The following RARB variants were observed in gnomAD, a reference collection of about 807,000 sequenced individuals.
The protein encoded by RARB is retinoic acid receptor beta.
A neutral mutation model predicts 51.9 loss-of-function variants in RARB; 17 were observed. The ratio of observed to expected loss-of-function variants is 0.33; its 90% CI spans 0.22 to 0.49. RARB has a LOEUF of 0.49. Ranked by LOEUF, RARB falls within the 20% of genes least tolerant of loss-of-function variation. The pLI is 0.99. For missense variants in RARB, 369 were observed against 550.8 expected (o/e 0.67, Z 3.30); for synonymous variants, 215 against 195.4 (o/e 1.10, Z -0.84).
At position 25,428,267 on chromosome 3, in the gene RARB, CAG is replaced by C. The variant is rs1030311790; in HGVS notation, c.-463_-462del. 8.1e-6 allele frequency: 10 copies of C among 1,233,250 alleles called. No individual in the cohort carries two copies. The African/African-American group carries it at 1.6e-4, about 19-fold the overall frequency. 76.4% of individuals were successfully genotyped at this position (1,233,250 alleles called of 1,614,324 possible). ...CAATTCAATCTTTCATTCTGTGTGA[CAG>C]AAGTAGTAGGAAGTGAGCTGTTCAG... On this transcript the variant is annotated 5_prime_UTR_variant, in exon 1 of 8. Coordinates refer to ENST00000330688, the MANE Select transcript of RARB (RefSeq NM_000965.5).
intron 4 of RARB, among the ~76,000 whole-genome samples, chr3:25,578,932 G>A (rs144384880): frequency 1.3e-5 from 2 of 152,286 alleles, no homozygotes; most frequent in East Asian, 1.9e-4. Context: ...AGAACCAAAC[G>A]TCAGCCTTTT....
At chr3:25,094,227 T>A (rs935898465) in intron 3 of RARB, among the ~76,000 whole-genome samples, 1 of 152,172 alleles carries the variant, frequency 6.6e-6, no homozygotes, top group African/African-American at 2.4e-5. Flanking sequence ...TTATCCACTG[T>A]TAATAACACT....
intron 2 of RARB, among the ~76,000 whole-genome samples, chr3:24,962,996 A>G (rs12490596): frequency 0.47 from 70,723 of 151,868 alleles, 16,954 homozygotes; most frequent in East Asian, 0.6. Flanking sequence ...GCCTGCCTAC[A>G]GATTCCTATA....
intron 5 of RARB, among the ~76,000 whole-genome samples, chr3:25,272,845 T>G (rs953760744): frequency 2.6e-5 from 4 of 152,226 alleles, no homozygotes; most frequent in Admixed American, 6.5e-5. Flanking sequence ...TGTGTAACTT[T>G]GGATACATTC....
chr3:25,242,297 C>T (rs892546675), intron 5 of RARB, among the ~76,000 whole-genome samples: 9 of 152,122 alleles, frequency 5.9e-5, no homozygotes, highest in African/African-American at 2.2e-4. Context: ...CGTGCAGAAA[C>T]TCTTTAGTTT....
At chr3:24,930,954 A>C (rs1449818184) in intron 2 of RARB, among the ~76,000 whole-genome samples, 1 of 152,132 alleles carries the variant, frequency 6.6e-6, no homozygotes, top group Non-Finnish European at 1.5e-5. Context: ...TTGAGGTTGC[A>C]GTTAGCTATT....
chr3:25,032,932 A>G lies in RARB; in HGVS notation c.-379-27193A>G, dbSNP rs553763390. ...ATACATTACCTCATGCAATGAACATAGTATTTTGCAACCCATAAGCAGTAC... is the reference window on the plus strand; with the variant it reads ...ATACATTACCTCATGCAATGAACATGGTATTTTGCAACCCATAAGCAGTAC... On this transcript the variant is annotated intron_variant, in intron 2 of 11. Transcript: ENST00000383772. Among the ~76,000 whole-genome samples the G allele has an allele frequency of 1.0e-3, 159 of 152,360 alleles. No individual in the cohort carries two copies. The Middle Eastern group carries it at 0.017, about 16-fold the overall frequency.
At chr3:25,512,027 T>C (rs1230391016) in intron 3 of RARB, among the ~76,000 whole-genome samples, 1 of 152,146 alleles carries the variant, frequency 6.6e-6, no homozygotes, top group Admixed American at 6.5e-5. Context: ...CTTGGGCAGG[T>C]CACTTAACAT....
chr3:25,558,882 C>A (rs1700162472), intron 3 of RARB, among the ~76,000 whole-genome samples: 1 of 152,108 alleles, frequency 6.6e-6, no homozygotes, highest in Non-Finnish European at 1.5e-5. Flanking sequence ...CCAAGTCTAG[C>A]ATATTTTTCC....
At chr3:24,867,260 T>C (rs1702868014) in intron 2 of RARB, among the ~76,000 whole-genome samples, 1 of 152,146 alleles carries the variant, frequency 6.6e-6, no homozygotes, top group South Asian at 2.1e-4. Flanking sequence ...GGGGCTATTA[T>C]CATTTAAAAC....
chr3:25,279,350 T>C (rs775588604), intron 5 of RARB, among the ~76,000 whole-genome samples: 1 of 152,166 alleles, frequency 6.6e-6, no homozygotes, highest in Non-Finnish European at 1.5e-5. Context: ...TTTCTTTTTC[T>C]CTCTTGCACC....
At chr3:25,144,998 C>A (rs1157390319) in intron 4 of RARB, among the ~76,000 whole-genome samples, 2 of 152,150 alleles carry the variant, frequency 1.3e-5, no homozygotes, top group Non-Finnish European at 2.9e-5. Flanking sequence ...AAGACACAGA[C>A]CTGTTCTGGC....
intron 2 of RARB, among the ~76,000 whole-genome samples, chr3:25,477,812 G>A (rs1485289787): frequency 6.6e-6 from 1 of 152,208 alleles, no homozygotes; most frequent in African/African-American, 2.4e-5. Flanking sequence ...TTGGCTCACA[G>A]ATTGTGGGTC....
intron 5 of RARB, among the ~76,000 whole-genome samples, chr3:25,589,637 C>T (rs931247675): frequency 6.6e-6 from 1 of 152,178 alleles, no homozygotes; most frequent in Non-Finnish European, 1.5e-5. Context: ...GGGCCTCCCC[C>T]AGGACACACA....
chr3:25,371,334 G>A (rs1388019070), intron 5 of RARB, among the ~76,000 whole-genome samples: 1 of 152,180 alleles, frequency 6.6e-6, no homozygotes, highest in East Asian at 1.9e-4. Flanking sequence ...TTGGGGGAGG[G>A]TAGCACCATT....
At chr3:25,355,961 C>CT (rs984253842) in intron 5 of RARB, among the ~76,000 whole-genome samples, 1 of 151,930 alleles carries the variant, frequency 6.6e-6, no homozygotes, top group South Asian at 2.1e-4. Context: ...TGGAAAATAA[C>CT]TTTTTTATTA....
chr3:25,121,842 G>C (rs1699789371), intron 3 of RARB, among the ~76,000 whole-genome samples: 1 of 152,112 alleles, frequency 6.6e-6, no homozygotes, highest in Admixed American at 6.6e-5. Flanking sequence ...GCAGGTATTT[G>C]AAGACCATTT....
intron 3 of RARB, among the ~76,000 whole-genome samples, chr3:25,071,318 T>A (rs1425845816): frequency 6.6e-6 from 1 of 152,216 alleles, no homozygotes; most frequent in Non-Finnish European, 1.5e-5. Context: ...CACAAACAGT[T>A]ACTTTGGCTG....
chr3:25,147,407 C>A (rs1700210501), intron 4 of RARB, among the ~76,000 whole-genome samples: 1 of 152,154 alleles, frequency 6.6e-6, no homozygotes, highest in Admixed American at 6.5e-5. Context: ...GTGCCCTATA[C>A]TGCTTAACAA....
Sources: allele counts gnomAD v4.1 joint callset (sites outside exome capture counted in the v4.1 genomes callset), GRCh38; gene constraint gnomAD v4.1.1; transcripts MANE v1.5; gene names NCBI Gene and HGNC (gene_info 2026-07-23, HGNC 2026-07-21).